The following SPATA7 variants were observed in gnomAD, a reference collection of about 807,000 sequenced individuals.
SPATA7 encodes the protein spermatogenesis-associated protein 7.
A neutral mutation model predicts 51.8 loss-of-function variants in SPATA7; 43 were observed. The observed-to-expected ratio is 0.83, with a 90% CI of 0.65 to 1.07. The LOEUF (loss-of-function observed/expected upper bound fraction) is 1.07. Among genes scored for constraint, SPATA7 ranks in the 50% least tolerant of loss-of-function variants. The pLI is 0.00. For missense variants in SPATA7, 683 were observed against 701.3 expected (o/e 0.97, Z 0.30); for synonymous variants, 230 against 252.8 (o/e 0.91, Z 0.86).
intron 4 of SPATA7, among the ~76,000 whole-genome samples, chr14:88,407,507 G>A (rs1254810190): frequency 2.0e-5 from 3 of 152,106 alleles, no homozygotes; most frequent in Non-Finnish European, 4.4e-5. Flanking sequence ...CTGGATATTA[G>A]CCCTTTGTCA....
chr14:88,432,257 A>G (rs1261212511), intron 9 of SPATA7, among the ~76,000 whole-genome samples: 1 of 152,034 alleles, frequency 6.6e-6, no homozygotes, highest in African/African-American at 2.4e-5. Context: ...ATAAAATTTT[A>G]TTTATTTTCA....
At chr14:88,430,617 A>G (rs1336679494) in intron 8 of SPATA7, among the ~76,000 whole-genome samples, 1 of 152,158 alleles carries the variant, frequency 6.6e-6, no homozygotes, top group East Asian at 1.9e-4. Context: ...ACCTTAGTCA[A>G]ATTGTCATTG....
At chr14:88,418,823 T>C (rs1220970310) in intron 5 of SPATA7, among the ~76,000 whole-genome samples, 1 of 152,228 alleles carries the variant, frequency 6.6e-6, no homozygotes, top group Non-Finnish European at 1.5e-5. Context: ...CATTTAGAAC[T>C]ATTTCTTAAT....
At chr14:88,416,874 A>C in intron 5 of SPATA7, 30 bp downstream of exon 5, 1 of 1,556,426 alleles carries the variant, frequency 6.4e-7, no homozygotes, top group Non-Finnish European at 8.8e-7. Flanking sequence ...TTTTAAAAGC[A>C]AATGTTTCTA....
chr14:88,444,165 T>C (rs528433064), intron 3 of SPATA7, among the ~76,000 whole-genome samples: 36 of 152,110 alleles, frequency 2.4e-4, no homozygotes, highest in South Asian at 4.2e-4. Context: ...GACTTTTTAA[T>C]GATCGCCATT....
chr14:88,435,614 ACT>A (rs1239777235), intron 10 of SPATA7, among the ~76,000 whole-genome samples: 2 of 151,660 alleles, frequency 1.3e-5, no homozygotes, highest in South Asian at 2.1e-4. Context: ...CCATCCTTCT[ACT>A]CTCTATGCCC....
downstream of SPATA7, chr14:88,438,524 A>G: frequency 1.0e-6 from 1 of 968,554 alleles, no homozygotes; most frequent in South Asian, 1.4e-5. Context: ...TCTGTGCTGC[A>G]ATAATAAGTT....
At chr14:88,426,933 TTTA>T (rs1397646906) in intron 6 of SPATA7, among the ~76,000 whole-genome samples, 1 of 152,200 alleles carries the variant, frequency 6.6e-6, no homozygotes, top group African/African-American at 2.4e-5. Flanking sequence ...AATTACATAT[TTTA>T]TTATTTCAAG....
At chr14:88,393,341 C>A in intron 2 of SPATA7, 52 bp from the exon 3 acceptor site, 3 of 1,250,116 alleles carry the variant, frequency 2.4e-6, no homozygotes, top group Non-Finnish European at 3.4e-6. Flanking sequence ...TTGTTTATCT[C>A]ATGATTTTTA....
At chr14:88,423,964 ATTC>A (rs1244775166) in intron 5 of SPATA7, among the ~76,000 whole-genome samples, 4 of 152,178 alleles carry the variant, frequency 2.6e-5, no homozygotes, top group African/African-American at 9.7e-5. Context: ...GTATTGTAAA[ATTC>A]TTGACATGAA....
intron 4 of SPATA7, chr14:88,466,475 G>A (rs2077365201): frequency 6.6e-6 from 1 of 152,164 alleles, no homozygotes; most frequent in Admixed American, 6.5e-5. Context: ...GAGTTAAGGA[G>A]TGACATGGGA....
downstream of SPATA7, among the ~76,000 whole-genome samples, chr14:88,456,932 T>A (rs1008341692): frequency 2.0e-5 from 3 of 152,232 alleles, no homozygotes; most frequent in Non-Finnish European, 4.4e-5. Context: ...CAGTTTCAGC[T>A]TTCTACATAT....
downstream of SPATA7, among the ~76,000 whole-genome samples, chr14:88,440,726 T>C (rs940749241): frequency 1.3e-5 from 2 of 152,190 alleles, no homozygotes; most frequent in African/African-American, 4.8e-5. Context: ...GTGTGTTTTC[T>C]CATATCTTGG....
chr14:88,444,713 T>G (rs1164798116), intron 3 of SPATA7, among the ~76,000 whole-genome samples: 1 of 152,198 alleles, frequency 6.6e-6, no homozygotes, highest in African/African-American at 2.4e-5. Context: ...GGCTAGCCAG[T>G]TTTCCCAGCA....
At chr14:88,397,507 G>A (rs1306867150) in intron 4 of SPATA7, among the ~76,000 whole-genome samples, 2 of 151,994 alleles carry the variant, frequency 1.3e-5, no homozygotes, top group Non-Finnish European at 2.9e-5. Flanking sequence ...GCTGGATGTG[G>A]TGGCATGCAA....
chr14:88,427,595 A>G, intron 6 of SPATA7, 35 bp from the exon 7 acceptor site: 2 of 1,445,428 alleles, frequency 1.4e-6, no homozygotes, highest in Non-Finnish European at 1.9e-6. Flanking sequence ...TTATATTTTG[A>G]AGGATTAACA....
chr14:88,395,012 A>G (rs1399855096), intron 3 of SPATA7, among the ~76,000 whole-genome samples: 1 of 152,112 alleles, frequency 6.6e-6, no homozygotes, highest in African/African-American at 2.4e-5. Context: ...TACAGATTCT[A>G]TATCAGATAT....
chr14:88,389,540 A>G (rs976671212), intron 1 of SPATA7, among the ~76,000 whole-genome samples: 2 of 152,212 alleles, frequency 1.3e-5, no homozygotes, highest in African/African-American at 4.8e-5. Flanking sequence ...ATGTATCTAT[A>G]GGAATATTAG....
chr14:88,421,964 A>G (rs545209400), intron 5 of SPATA7, among the ~76,000 whole-genome samples: 44 of 151,326 alleles, frequency 2.9e-4, no homozygotes, highest in South Asian at 2.1e-4. Context: ...AAAAAAAAAA[A>G]GTAGAATCTG....
Sources: gnomAD v4.1 joint callset for allele counts (sites outside exome capture counted in the v4.1 genomes callset) on GRCh38, gnomAD v4.1.1 for gene constraint, MANE v1.5 for transcripts, NCBI Gene and HGNC (gene_info 2026-07-23, HGNC 2026-07-21) for gene names.